Variants in LPA observed in about 807,000 individuals in gnomAD.
The protein encoded by LPA is apolipoprotein(a).
A neutral mutation model predicts 197.9 loss-of-function variants in LPA; 199 were observed. The observed-to-expected ratio is 1.01, with a 90% CI of 0.90 to 1.13. LPA has a LOEUF of 1.13. Ranked by LOEUF, LPA falls within the 50% of genes most tolerant of loss-of-function variation. The pLI, the probability that LPA is intolerant of heterozygous loss-of-function variation, is 0.00. For missense variants in LPA, 1,853 were observed against 1,785.8 expected, an observed-to-expected ratio of 1.04 and a Z score of -0.68; for synonymous variants, 715 against 639.5, an observed-to-expected ratio of 1.12 and a Z score of -1.78.
rs41266344 is a variant in LPA at position 160,541,881 on chromosome 6, G to A, written c.5520-700C>T. Among the ~76,000 whole-genome samples the A allele has an allele frequency of 0.011, 1,602 of 152,288 alleles. 34 individuals carry two copies. The Middle Eastern group carries it at 0.12, about 11-fold the overall frequency. The stretch of plus-strand genomic sequence containing the variant: ...CTCTGTAGAGCAAGAAGTTACAAAC[G>A]ATAAAGTAAAGAAAAATCAACTCAA... On this transcript the variant is annotated intron_variant, in intron 34 of 38. Transcript: ENST00000316300.
chr6:160,545,373 T>TTGG, intron 33 of LPA, 67 bp downstream of exon 33: 1 of 1,203,234 alleles, frequency 8.3e-7, no homozygotes, highest in Non-Finnish European at 1.2e-6. Context: ...TTCTGTTTTT[T>TTGG]TTGCTTTTTT....
At chr6:160,563,006 T>G (rs1004230102) in intron 28 of LPA, among the ~76,000 whole-genome samples, 2 of 152,182 alleles carry the variant, frequency 1.3e-5, no homozygotes, top group African/African-American at 2.4e-5. Flanking sequence ...TGTTAATCTT[T>G]TCAAAAAACC....
At chr6:160,606,271 T>C (rs1779348181) in intron 17 of LPA, among the ~76,000 whole-genome samples, 1 of 152,158 alleles carries the variant, frequency 6.6e-6, no homozygotes, top group Non-Finnish European at 1.5e-5. Flanking sequence ...TTGTGCCAAT[T>C]CTAAAGACAC....
intron 30 of LPA, among the ~76,000 whole-genome samples, chr6:160,549,423 A>C (rs1317757226): frequency 6.6e-6 from 1 of 152,224 alleles, no homozygotes; most frequent in African/African-American, 2.4e-5. Context: ...TTATGCATAT[A>C]CAAATGCGTC....
chr6:160,562,014 AG>A (rs1347567033), intron 28 of LPA, among the ~76,000 whole-genome samples: 4 of 152,218 alleles, frequency 2.6e-5, no homozygotes, highest in Non-Finnish European at 5.9e-5. Context: ...TCATCTGCAA[AG>A]AGAAATAATT....
At chr6:160,534,983 A>ATGATGATGGTGG (rs1375814770) in intron 37 of LPA, among the ~76,000 whole-genome samples, 1 of 149,740 alleles carries the variant, frequency 6.7e-6, no homozygotes, top group Non-Finnish European at 1.5e-5. Context: ...GGTGCTGGTG[A>ATGATGATGGTGG]TGATGATGGT....
chr6:160,557,941 A>G (rs1278708443), intron 28 of LPA, among the ~76,000 whole-genome samples: 3 of 148,938 alleles, frequency 2.0e-5, no homozygotes, highest in Non-Finnish European at 4.4e-5. Context: ...TTTTTTTGTG[A>G]CGGAGTCTCG....
At chr6:160,610,897 T>C (rs1450852763) in intron 16 of LPA, among the ~76,000 whole-genome samples, 1 of 152,176 alleles carries the variant, frequency 6.6e-6, no homozygotes, top group African/African-American at 2.4e-5. Context: ...CATTTTTCCA[T>C]GTCTTTGGTT....
intron 2 of LPA, among the ~76,000 whole-genome samples, chr6:160,647,924 A>C (rs1445586261): frequency 2.6e-5 from 4 of 152,228 alleles, no homozygotes; most frequent in African/African-American, 9.6e-5. Context: ...TTCATTATAT[A>C]GGCTGCAGAA....
Position 160,611,659 on chromosome 6 carries a change from C to T in LPA, c.2506G>A (p.Gly836Ser), listed in dbSNP as rs752226840. 1.0e-5 allele frequency: 16 copies of T among 1,563,596 alleles called. No homozygotes were observed. The highest frequency in any genetic ancestry group is 4.5e-5 in the South Asian group (4 of 89,720). ...CCAGTGACAGTGGTGGAGTATGTGC[C>T]TCGATAACTCTGTCCATTACCGTGG... ...CYHGNGQSYR[G>S]TYSTTVTGRT... is the part of the protein sequence containing the mutation. Residue 836 changes from glycine to serine, a missense_variant, in exon 16 of 39, where the codon GGC (glycine) becomes AGC (serine). By Grantham distance (56) the Gly-to-Ser change is moderately conservative. Transcript: ENST00000316300.
intron 1 of LPA, among the ~76,000 whole-genome samples, chr6:160,660,297 TA>T (rs1457424803): frequency 2.6e-5 from 4 of 152,146 alleles, no homozygotes; most frequent in Non-Finnish European, 5.9e-5. Context: ...CTGGGCATCT[TA>T]AGGGGCATTC....
chr6:160,582,917 C>G (rs1220825945), intron 26 of LPA, among the ~76,000 whole-genome samples: 1 of 152,070 alleles, frequency 6.6e-6, no homozygotes, highest in East Asian at 1.9e-4. Flanking sequence ...GTTTGCACCA[C>G]CCTAATATTT....
intron 28 of LPA, among the ~76,000 whole-genome samples, chr6:160,576,416 GGGTATATATA>G (rs1778678642): frequency 3.4e-5 from 1 of 29,634 alleles, no homozygotes. Flanking sequence ...ATATATATAT[GGGTATATATA>G]TATATACACA....
chr6:160,532,417 C>T (rs1241830859), intron 38 of LPA, 114 bp downstream of exon 38: 2 of 811,768 alleles, frequency 2.5e-6, no homozygotes, highest in Non-Finnish European at 4.3e-6. Flanking sequence ...AACACTTAGA[C>T]TGGGGTCTTC....
chr6:160,615,440 A>T (rs1241650957), intron 14 of LPA, among the ~76,000 whole-genome samples: 1 of 111,772 alleles, frequency 8.9e-6, no homozygotes, highest in Non-Finnish European at 1.8e-5. Context: ...TTCCTCTGAA[A>T]CGTCTAATTT....
chr6:160,574,464 G>A (rs1439646805), intron 28 of LPA, among the ~76,000 whole-genome samples: 1 of 152,062 alleles, frequency 6.6e-6, no homozygotes, highest in African/African-American at 2.4e-5. Context: ...AGGTAGAGCA[G>A]TCCTCCATGT....
intron 19 of LPA, among the ~76,000 whole-genome samples, chr6:160,600,707 G>A (rs571348293): frequency 1.1e-4 from 17 of 152,168 alleles, no homozygotes; most frequent in Non-Finnish European, 2.1e-4. Context: ...AATGGTTTCC[G>A]CCCATCCTAA....
At chr6:160,632,098 G>C (rs1245442829) in intron 8 of LPA, among the ~76,000 whole-genome samples, 7 of 134,504 alleles carry the variant, frequency 5.2e-5, no homozygotes, top group Non-Finnish European at 3.2e-5. Flanking sequence ...TGATCAGCCG[G>C]CCATACAGTA....
intron 28 of LPA, among the ~76,000 whole-genome samples, chr6:160,559,752 A>T (rs1440957416): frequency 6.6e-6 from 1 of 152,202 alleles, no homozygotes; most frequent in Non-Finnish European, 1.5e-5. Context: ...TCCTGAAGGC[A>T]GCAGATGGTT....
Sources: allele counts gnomAD v4.1 joint callset (sites outside exome capture counted in the v4.1 genomes callset), GRCh38; gene constraint gnomAD v4.1.1; transcripts MANE v1.5; gene names NCBI Gene and HGNC (gene_info 2026-07-23, HGNC 2026-07-21).